The following DKK2 variants were observed in gnomAD, a reference collection of about 807,000 sequenced individuals.
The protein encoded by DKK2 is dickkopf-related protein 2.
In DKK2, 11 loss-of-function variants were observed where a neutral mutation model predicts 28.1. That is an observed-to-expected ratio of 0.39 (90% confidence interval 0.25 to 0.65). The LOEUF (loss-of-function observed/expected upper bound fraction) is 0.65, where lower values mean the gene tolerates loss of function less well. Among genes scored for constraint, DKK2 ranks in the 30% least tolerant of loss-of-function variants. The pLI, the probability that DKK2 is intolerant of heterozygous loss-of-function variation, is 0.47. For synonymous variants in DKK2, 135 were observed against 126.5 expected, an observed-to-expected ratio of 1.07 and a Z score of -0.45; for missense variants, 326 against 335.5, an observed-to-expected ratio of 0.97 and a Z score of 0.22.
intron 1 of DKK2, among the ~76,000 whole-genome samples, chr4:107,005,361 A>AC (rs70947056): frequency 9.4e-5 from 14 of 149,186 alleles, no homozygotes; most frequent in South Asian, 2.1e-4. Context: ...AAAAAAAAAA[A>AC]CAAAAACAAA....
chr4:107,010,711 T>C (rs1319075022), intron 1 of DKK2, among the ~76,000 whole-genome samples: 2 of 151,526 alleles, frequency 1.3e-5, no homozygotes, highest in Admixed American at 6.6e-5. Context: ...GAAAGAATAA[T>C]AATTTGCCTA....
rs1724397953 is a variant in DKK2 at position 106,924,533 on chromosome 4, A to G, written c.529+12T>C. Reference sequence around the variant, plus strand: ...TATTTTAAAAAAACCCCAGAACTACAGATATCCCTACCTTTTATATGTGAC... The same window carrying G: ...TATTTTAAAAAAACCCCAGAACTACGGATATCCCTACCTTTTATATGTGAC... On this transcript the variant is annotated intron_variant, in intron 3 of 3. Coordinates refer to ENST00000285311, the MANE Select transcript of DKK2 (RefSeq NM_014421.3). 1 of 1,611,642 alleles carries G rather than the reference A, an allele frequency of 6.2e-7. No homozygotes were observed.
intron 1 of DKK2, among the ~76,000 whole-genome samples, chr4:106,932,425 A>G (rs1025447774): frequency 9.2e-5 from 14 of 152,170 alleles, no homozygotes; most frequent in African/African-American, 3.4e-4. Context: ...ATTCTAGGGA[A>G]TGCTCTACTT....
At chr4:106,926,020 C>A in intron 1 of DKK2, 71 bp from the exon 2 acceptor site, 1 of 1,459,710 alleles carries the variant, frequency 6.9e-7, no homozygotes, top group Non-Finnish European at 9.2e-7. Flanking sequence ...ATTACTATAG[C>A]AAATCATGAT....
At chr4:106,957,973 T>C (rs1204025242) in intron 1 of DKK2, among the ~76,000 whole-genome samples, 2 of 150,076 alleles carry the variant, frequency 1.3e-5, no homozygotes, top group Admixed American at 6.6e-5. Context: ...AGCATTTTTT[T>C]CCAAGAGTAA....
At chr4:106,960,328 C>A (rs1000332649) in intron 1 of DKK2, among the ~76,000 whole-genome samples, 12 of 151,910 alleles carry the variant, frequency 7.9e-5, no homozygotes, top group African/African-American at 2.9e-4. Context: ...GAATCTAAAA[C>A]CAAATACCAC....
At chr4:106,955,194 G>A (rs534470755) in intron 1 of DKK2, among the ~76,000 whole-genome samples, 6 of 152,080 alleles carry the variant, frequency 3.9e-5, no homozygotes, top group Admixed American at 1.3e-4. Context: ...TTCTTTTAAT[G>A]TTATAATGTT....
In DKK2 at chr4:106,924,218, G is replaced by A. The variant is rs984490723; in HGVS notation, c.530-14C>T. 3.1e-5 allele frequency: 50 copies of A among 1,613,138 alleles called. No individual in the cohort carries two copies. In the African/African-American group the frequency reaches 3.7e-4, roughly 12 times the overall value. On this transcript the variant is annotated splice_polypyrimidine_tract_variant and intron_variant, in intron 3 of 3. Coordinates refer to ENST00000285311, the MANE Select transcript of DKK2 (RefSeq NM_014421.3). ...CTCCTTCATGCCCTGCAGAGATGATGACCAATAGATGTTACCCTGACACTT... is the reference window on the plus strand; with the variant it reads ...CTCCTTCATGCCCTGCAGAGATGATAACCAATAGATGTTACCCTGACACTT...
intron 3 of DKK2, 159 bp from the exon 4 acceptor site, chr4:106,924,363 C>G: frequency 1.6e-6 from 2 of 1,248,438 alleles, no homozygotes; most frequent in South Asian, 3.2e-5. Flanking sequence ...GGCTCTGCCT[C>G]TTATCACATA....
At chr4:106,966,177 T>C (rs1024082811) in intron 1 of DKK2, among the ~76,000 whole-genome samples, 2 of 152,186 alleles carry the variant, frequency 1.3e-5, no homozygotes, top group Non-Finnish European at 2.9e-5. Context: ...CTTGGACGCT[T>C]GTAATAAGTC....
intron 1 of DKK2, among the ~76,000 whole-genome samples, chr4:106,978,506 G>A (rs1035332216): frequency 3.9e-5 from 6 of 152,064 alleles, no homozygotes; most frequent in African/African-American, 9.7e-5. Context: ...GGGCTCTGCC[G>A]AGTTCAAACT....
At position 107,023,342 on chromosome 4, in the gene DKK2, T is replaced by C. The variant is rs138219083; in HGVS notation, c.222+12028A>G. ...ATAAAACAATCACTGTGAAAAGACA[T>C]GGAAGAATCTTAAATATATACTACT... On this transcript the variant is annotated intron_variant, in intron 1 of 3. Transcript: ENST00000285311. Among the ~76,000 whole-genome samples the C allele has an allele frequency of 5.9e-3, 897 of 152,136 alleles. 12 individuals carry two copies. The highest frequency in any genetic ancestry group is 0.02 in the African/African-American group (834 of 41,528).
At chr4:106,937,101 A>G (rs1046988902) in intron 1 of DKK2, among the ~76,000 whole-genome samples, 70 of 151,960 alleles carry the variant, frequency 4.6e-4, no homozygotes, top group African/African-American at 1.6e-3. Context: ...GACCGGATCA[A>G]ATTCACACAT....
chr4:106,988,932 A>G (rs1022097086), intron 1 of DKK2, among the ~76,000 whole-genome samples: 4 of 152,182 alleles, frequency 2.6e-5, no homozygotes, highest in African/African-American at 9.7e-5. Flanking sequence ...CACTGGGATT[A>G]AGGATCAAAG....
chr4:107,025,449 CTT>C (rs1320278178), intron 1 of DKK2, among the ~76,000 whole-genome samples: 1 of 152,088 alleles, frequency 6.6e-6, no homozygotes, highest in African/African-American at 2.4e-5. Context: ...ATTTTTGAAA[CTT>C]TTTTTAGGAG....
In DKK2 at chr4:106,959,052, A is replaced by ACTCG. The variant is rs926525355; in HGVS notation, c.223-33104_223-33103insCGAG. On this transcript the variant is annotated intron_variant, in intron 1 of 3. Transcript: ENST00000285311. ...ATATAAAAGATGAAAGATATTAAATACATATGTGTAAATTTATTTTCTTAA... is the reference window on the plus strand; with the variant it reads ...ATATAAAAGATGAAAGATATTAAATACTCGCATATGTGTAAATTTATTTTCTTAA... 6.7e-5 allele frequency among the ~76,000 whole-genome samples: 9 copies of ACTCG among 134,090 alleles called. 1 individual carries two copies. The highest frequency in any genetic ancestry group is 6.5e-4 in the Admixed American group (9 of 13,806). The allele number at this position is 134,090 out of a possible 152,430, so 88.0% of individuals were successfully genotyped here.
chr4:107,023,916 G>A (rs1723732265), intron 1 of DKK2, among the ~76,000 whole-genome samples: 1 of 152,066 alleles, frequency 6.6e-6, no homozygotes, highest in Non-Finnish European at 1.5e-5. Flanking sequence ...TGAGATTCCT[G>A]CACATATAAT....
intron 1 of DKK2, among the ~76,000 whole-genome samples, chr4:106,993,295 A>G (rs1252414431): frequency 6.6e-6 from 1 of 152,226 alleles, no homozygotes; most frequent in African/African-American, 2.4e-5. Context: ...GGAATTCAAG[A>G]GATAATATGT....
chr4:106,926,076 C>A, intron 1 of DKK2, 127 bp from the exon 2 acceptor site: 1 of 1,024,392 alleles, frequency 9.8e-7, no homozygotes, highest in Non-Finnish European at 1.4e-6. Context: ...ACTATACCAT[C>A]ATCATAATGT....
Sources: allele counts gnomAD v4.1 joint callset (sites outside exome capture counted in the v4.1 genomes callset), GRCh38; gene constraint gnomAD v4.1.1; transcripts MANE v1.5; gene names NCBI Gene and HGNC (gene_info 2026-07-23, HGNC 2026-07-21).